RUBCN: variants seen among roughly 807,000 people sequenced by gnomAD.
RUBCN encodes run domain Beclin-1-interacting and cysteine-rich domain-containing protein.
In RUBCN, 74 loss-of-function variants were observed where a neutral mutation model predicts 113.2. The observed-to-expected ratio is 0.65, with a 90% CI of 0.54 to 0.79. RUBCN has a LOEUF of 0.79. Among genes scored for constraint, RUBCN ranks in the 30% least tolerant of loss-of-function variants. The pLI is 0.00. For synonymous variants in RUBCN, 480 were observed against 490.0 expected, an observed-to-expected ratio of 0.98 and a Z score of 0.27; for missense variants, 1,109 against 1,251.7, an observed-to-expected ratio of 0.89 and a Z score of 1.72.
chr3:197,691,019 G>T, intron 11 of RUBCN: 1 of 959,418 alleles, frequency 1.0e-6, no homozygotes, highest in Non-Finnish European at 1.5e-6. Flanking sequence ...GAAAGCTGGT[G>T]CAACATTCTC....
intron 7 of RUBCN, among the ~76,000 whole-genome samples, chr3:197,697,369 G>C (rs930060487): frequency 6.6e-6 from 1 of 152,224 alleles, no homozygotes; most frequent in Non-Finnish European, 1.5e-5. Flanking sequence ...AGGAATATCA[G>C]CTGATTCCTA....
Position 197,700,941 on chromosome 3 carries a change from C to A in RUBCN, c.933G>T (p.Gln311His). 1 of 1,614,230 alleles carries A rather than the reference C, an allele frequency of 6.2e-7. No homozygotes were observed. The highest frequency in any genetic ancestry group is 8.5e-7 in the Non-Finnish European group (1 of 1,180,052). The change falls in exon 7 of 20, where the codon CAG (glutamine) becomes CAT (histidine). Residue 311 changes from glutamine (Q) to histidine (H), a missense_variant. Coordinates refer to ENST00000296343, the MANE Select transcript of RUBCN (RefSeq NM_014687.4). ...CACTGGCATCACCTGGGGAATCATT[C>A]TGGCTGCTGACCCAGGATGCCTCTA... is the stretch of plus-strand genomic sequence containing the variant. ...SPIEASWVSS[Q>H]NDSPGDASEG...
At chr3:197,729,073 G>A (rs1727094185) in intron 1 of RUBCN, among the ~76,000 whole-genome samples, 1 of 151,286 alleles carries the variant, frequency 6.6e-6, no homozygotes, top group Non-Finnish European at 1.5e-5. Flanking sequence ...GTGAACCCGG[G>A]AGGCGGAGCT....
At chr3:197,676,575 A>G (rs1720456171) in intron 18 of RUBCN, 20 of 1,229,662 alleles carry the variant, frequency 1.6e-5, no homozygotes, top group Non-Finnish European at 2.1e-5. Context: ...GGCCTCCCAA[A>G]TTGCTGGGAT....
At position 197,676,395 on chromosome 3, in the gene RUBCN, C is replaced by T. The variant is rs1430794956; in HGVS notation, c.2646+490G>A. On this transcript the variant is annotated intron_variant, in intron 18 of 19. Coordinates refer to ENST00000296343, the MANE Select transcript of RUBCN (RefSeq NM_014687.4). ...GTGGCATGATCTCGGCTCACTGCAA[C>T]CTCCGCCTCCTGGATTCAAGCAATT... The T allele has an allele frequency of 5.9e-6, 5 of 847,762 alleles. No homozygotes were observed. In the East Asian group the frequency reaches 4.9e-4, roughly 83 times the overall value. 52.5% of individuals were successfully genotyped at this position (847,762 alleles called of 1,614,324 possible).
intron 1 of RUBCN, among the ~76,000 whole-genome samples, chr3:197,726,269 C>T (rs976481727): frequency 6.6e-6 from 1 of 151,812 alleles, no homozygotes; most frequent in Admixed American, 6.6e-5. Flanking sequence ...TTTTTTGAGA[C>T]GGAGTCTCGC....
In RUBCN at chr3:197,674,343, G is replaced by A. The variant is rs1720095250; in HGVS notation, c.*675C>T. On this transcript the variant is annotated 3_prime_UTR_variant, in exon 20 of 20. Transcript: ENST00000296343. ...TCACCAAGGTAGATGAAGAAAGTCA[G>A]CTTGTGGCATCCTCTATGCTTCAAA... The A allele has an allele frequency of 4.4e-6, 1 of 228,030 alleles. No individual in the cohort carries two copies. The highest frequency in any genetic ancestry group is 2.3e-5 in the African/African-American group (1 of 43,016). The allele number at this position is 228,030 out of a possible 1,614,324, so 14.1% of individuals were successfully genotyped here.
intron 1 of RUBCN, among the ~76,000 whole-genome samples, chr3:197,720,408 C>T (rs1466148823): frequency 4.0e-5 from 6 of 151,646 alleles, no homozygotes; most frequent in East Asian, 1.9e-4. Flanking sequence ...AATCTGTTGA[C>T]GGACATTTTT....
intron 2 of RUBCN, among the ~76,000 whole-genome samples, chr3:197,710,598 CA>C (rs374376643): frequency 0.16 from 14,915 of 94,136 alleles, 816 homozygotes; most frequent in African/African-American, 0.24. Context: ...AACTCCATCT[CA>C]AAAAAAAAAA....
chr3:197,706,098 A>C (rs1298681613), intron 2 of RUBCN, among the ~76,000 whole-genome samples: 9 of 152,174 alleles, frequency 5.9e-5, no homozygotes, highest in African/African-American at 2.2e-4. Flanking sequence ...ACTGGTAAAG[A>C]GCTATTGTTA....
intron 11 of RUBCN, among the ~76,000 whole-genome samples, chr3:197,692,116 C>T (rs1286703660): frequency 6.6e-6 from 1 of 152,054 alleles, no homozygotes; most frequent in African/African-American, 2.4e-5. Flanking sequence ...TCCCCCATCG[C>T]CTCCAGGGAG....
upstream of RUBCN, among the ~76,000 whole-genome samples, chr3:197,740,498 G>C (rs1015991246): frequency 6.6e-6 from 1 of 152,064 alleles, no homozygotes. Flanking sequence ...AAGAAATTTT[G>C]TAGTATAATT....
upstream of RUBCN, among the ~76,000 whole-genome samples, chr3:197,741,401 T>C (rs1281798360): frequency 6.6e-6 from 1 of 152,250 alleles, no homozygotes; most frequent in Admixed American, 6.5e-5. Flanking sequence ...ATAAAGCTTA[T>C]AGTAGTTCAT....
chr3:197,682,797 G>A lies in RUBCN; in HGVS notation c.1981-182C>T, dbSNP rs551251946. The stretch of plus-strand genomic sequence containing the variant: ...CCATGACAGAGCATAATGAGTGAAA[G>A]ACATTTCAGGAACACCACAGGATAA... On this transcript the variant is annotated intron_variant, in intron 13 of 19. Coordinates refer to ENST00000296343, the MANE Select transcript of RUBCN (RefSeq NM_014687.4). Among the ~76,000 whole-genome samples, 130 of 152,264 alleles carry A rather than the reference G, an allele frequency of 8.5e-4. 2 individuals are homozygous for A. Among genetic ancestry groups the A allele is most frequent in the African/African-American group, 3.0e-3 (124 of 41,540 alleles).
intron 2 of RUBCN, among the ~76,000 whole-genome samples, chr3:197,705,440 C>G (rs547641105): frequency 9.2e-5 from 14 of 151,998 alleles, no homozygotes; most frequent in East Asian, 1.9e-4. Context: ...GTGGGACATG[C>G]CTTAGTCCCA....
chr3:197,675,600 G>T lies in RUBCN; in HGVS notation c.2647-85C>A, dbSNP rs1452296546. On this transcript the variant is annotated intron_variant, in intron 18 of 19. Transcript: ENST00000296343. This position sits in a 1 kb window ranked among gnomAD's most constrained non-coding sequence, Gnocchi z 4.4. ...AGGGTGAACACCGAGGAGGGGAGTG[G>T]TCTACAGGGTTCTGCTGCCCACAGG... 6 of 1,017,310 alleles carry T rather than the reference G, an allele frequency of 5.9e-6. No homozygotes were observed. In the East Asian group the frequency reaches 1.4e-4, roughly 24 times the overall value. 63.0% of individuals were successfully genotyped at this position (1,017,310 alleles called of 1,614,324 possible).
chr3:197,745,394 T>G (rs183876730), intron 1 of RUBCN, among the ~76,000 whole-genome samples: 79 of 151,654 alleles, frequency 5.2e-4, no homozygotes, highest in Non-Finnish European at 5.9e-5. Flanking sequence ...GGCGGGCGGA[T>G]TACCTGAGGT....
rs1722945880 is a variant in RUBCN, at chr3:197,695,892, A to G, written c.1447T>C (p.Phe483Leu). The change falls in exon 9 of 20, where the codon TTC (phenylalanine) becomes CTC (leucine). Residue 483 changes from phenylalanine to leucine, a missense_variant. This residue lies in a region of RUBCN where 736 missense variants were observed against 779.6 expected (regional missense o/e 0.94). Coordinates refer to ENST00000296343, the MANE Select transcript of RUBCN (RefSeq NM_014687.4). ...TTTTCCAGGTCGGCACAGCTGCCGA[A>G]GTCTTGCTCAGAGAGGTAGCTGATG... The part of the protein sequence containing the change: ...SLISYLSEQD[F>L]GSCADLEKEN... The G allele has an allele frequency of 6.2e-7, 1 of 1,614,174 alleles. No homozygotes were observed. Among genetic ancestry groups the G allele is most frequent in the Admixed American group, 1.7e-5 (1 of 60,016 alleles).
exon 1 of RUBCN, chr3:197,749,433 C>T: frequency 8.1e-7 from 1 of 1,231,288 alleles, no homozygotes; most frequent in South Asian, 1.4e-5. Flanking sequence ...CGTTCAGATG[C>T]GGCAGCTCAG....
Sources: allele counts gnomAD v4.1 joint callset (sites outside exome capture counted in the v4.1 genomes callset), GRCh38; gene constraint gnomAD v4.1.1; regional missense constraint gnomAD v4.1.1; non-coding constraint Gnocchi (gnomAD v3.1); transcripts MANE v1.5; gene names NCBI Gene and HGNC (gene_info 2026-07-23, HGNC 2026-07-21).